HDAC9: variants seen among roughly 807,000 people sequenced by gnomAD.
The protein encoded by HDAC9 is MEF-2 interacting transcription repressor (MITR) protein.
Under a neutral mutation model 139.4 loss-of-function variants are expected in HDAC9, and 41 were observed. That is an observed-to-expected ratio of 0.29 (90% confidence interval 0.23 to 0.38). HDAC9 has a LOEUF of 0.38. HDAC9 is among the 10% of genes least tolerant of loss of function. The pLI is 1.00. For synonymous variants in HDAC9, 517 were observed against 476.2 expected (o/e 1.09, Z -1.12); for missense variants, 1,147 against 1,297.0 (o/e 0.88, Z 1.78).
At chr7:18,220,421 T>C (rs1257885323) in intron 2 of HDAC9, among the ~76,000 whole-genome samples, 1 of 152,174 alleles carries the variant, frequency 6.6e-6, no homozygotes, top group African/African-American at 2.4e-5. Context: ...TGATGAATTC[T>C]GTGGAACCAG....
At chr7:18,232,011 C>A (rs1045337439) in intron 2 of HDAC9, among the ~76,000 whole-genome samples, 1 of 152,040 alleles carries the variant, frequency 6.6e-6, no homozygotes, top group Non-Finnish European at 1.5e-5. Context: ...TAATTTCCAT[C>A]GAAGGTAAAA....
At chr7:18,812,912 G>T (rs1276519006) in intron 17 of HDAC9, among the ~76,000 whole-genome samples, 1 of 151,656 alleles carries the variant, frequency 6.6e-6, no homozygotes, top group Non-Finnish European at 1.5e-5. Context: ...GACCTCTGTT[G>T]TGTTCAACCT....
intron 13 of HDAC9, among the ~76,000 whole-genome samples, chr7:18,747,028 C>G (rs1306830373): frequency 6.6e-6 from 1 of 151,780 alleles, no homozygotes; most frequent in Non-Finnish European, 1.5e-5. Context: ...TTATGGAGGT[C>G]AAGAAGGAAG....
intron 22 of HDAC9, among the ~76,000 whole-genome samples, chr7:18,878,118 G>A (rs1480828078): frequency 3.3e-5 from 5 of 152,090 alleles, no homozygotes; most frequent in Admixed American, 2.6e-4. Flanking sequence ...TGACAACTAA[G>A]TGCTGTATTC....
At chr7:18,123,944 C>T (rs1784507382) in intron 1 of HDAC9, among the ~76,000 whole-genome samples, 1 of 152,096 alleles carries the variant, frequency 6.6e-6, no homozygotes, top group Non-Finnish European at 1.5e-5. Flanking sequence ...ACATAACAAC[C>T]TCCTAAAGGA....
intron 6 of HDAC9, among the ~76,000 whole-genome samples, chr7:18,606,913 C>T (rs73063123): frequency 0.07 from 10,669 of 152,068 alleles, 775 homozygotes; most frequent in East Asian, 0.33. Context: ...ATACAAGGTA[C>T]TTGTAAATGT....
rs191242608 is a variant in HDAC9 at position 18,591,842 on chromosome 7, G to A, written c.542+200G>A. Among the ~76,000 whole-genome samples the A allele has an allele frequency of 4.1e-4, 62 of 152,086 alleles. No homozygotes were observed. The East Asian group carries it at 0.011, about 27-fold the overall frequency. ...GCATGCCCTCTAGGGTTGCTGGCAC[G>A]GTCCTATAAAATAACATGGTAAGGT... On this transcript the variant is annotated intron_variant, in intron 5 of 25. Coordinates refer to ENST00000686413, the MANE Select transcript of HDAC9 (RefSeq NM_178425.4).
At chr7:18,726,699 A>G (rs1046330678) in intron 12 of HDAC9, among the ~76,000 whole-genome samples, 1 of 150,608 alleles carries the variant, frequency 6.6e-6, no homozygotes. Flanking sequence ...TTATTAATAA[A>G]TAAATAAATT....
chr7:18,705,706 A>G (rs1413936344), intron 12 of HDAC9, among the ~76,000 whole-genome samples: 1 of 151,768 alleles, frequency 6.6e-6, no homozygotes, highest in African/African-American at 2.4e-5. Flanking sequence ...TACAAAAATT[A>G]GCTGGGTGCA....
intron 1 of HDAC9, among the ~76,000 whole-genome samples, chr7:18,130,439 G>A (rs570576385): frequency 2.6e-5 from 4 of 152,176 alleles, no homozygotes; most frequent in South Asian, 2.1e-4. Flanking sequence ...AAATTACTCC[G>A]TTGTAGTTGC....
At chr7:18,775,959 T>C (rs891112327) in intron 16 of HDAC9, among the ~76,000 whole-genome samples, 2 of 152,006 alleles carry the variant, frequency 1.3e-5, no homozygotes, top group Non-Finnish European at 2.9e-5. Flanking sequence ...TGAGACAGGG[T>C]CTTGCTCTGT....
upstream of HDAC9, chr7:18,290,350 A>T (rs1797726569): frequency 2.5e-6 from 1 of 403,280 alleles, no homozygotes; most frequent in Non-Finnish European, 4.9e-6. Flanking sequence ...AGCATCAGGT[A>T]CTATTTAACC....
intron 17 of HDAC9, among the ~76,000 whole-genome samples, chr7:18,822,514 C>G (rs1035413996): frequency 1.3e-5 from 2 of 152,208 alleles, no homozygotes; most frequent in African/African-American, 4.8e-5. Context: ...GCCAGCACAC[C>G]TGGCTCATTT....
intron 22 of HDAC9, among the ~76,000 whole-genome samples, chr7:18,896,234 A>G (rs1801187925): frequency 6.6e-6 from 1 of 152,162 alleles, no homozygotes; most frequent in South Asian, 2.1e-4. Flanking sequence ...ATAAAAATAT[A>G]GAAATATTTC....
intron 13 of HDAC9, among the ~76,000 whole-genome samples, chr7:18,747,523 C>T (rs926642712): frequency 3.9e-5 from 6 of 152,062 alleles, no homozygotes; most frequent in East Asian, 1.9e-4. Context: ...TGGGTAATAT[C>T]GTGTGTGGTT....
intron 12 of HDAC9, among the ~76,000 whole-genome samples, chr7:18,671,607 T>G (rs990470273): frequency 3.9e-5 from 6 of 152,028 alleles, no homozygotes; most frequent in African/African-American, 1.4e-4. Flanking sequence ...CTGGAATTAC[T>G]CCAATACGTT....
chr7:18,106,267 C>T (rs1034537326), intron 1 of HDAC9, among the ~76,000 whole-genome samples: 2 of 152,040 alleles, frequency 1.3e-5, no homozygotes, highest in East Asian at 1.9e-4. Context: ...AAACAAAAAC[C>T]GAAAGCTCCT....
rs551251116 is a variant in HDAC9 at position 18,582,531 on chromosome 7, G to T, written c.23-2750G>T. ...TTATATATATATATATTTTTTAAAT[G>T]GTTATCATAGTGTAAATATCACTTT... On this transcript the variant is annotated intron_variant, in intron 2 of 25. Transcript: ENST00000686413. Among the ~76,000 whole-genome samples, 18 of 151,546 alleles carry T rather than the reference G, an allele frequency of 1.2e-4. No individual in the cohort carries two copies. In the South Asian group the frequency reaches 3.6e-3, roughly 30 times the overall value.
At position 18,402,820 on chromosome 7, in the gene HDAC9, C is replaced by G. The variant is rs1434532909; in HGVS notation, c.-41-93442C>G. On this transcript the variant is annotated intron_variant, in intron 1 of 3. Coordinates refer to the HDAC9 transcript ENST00000413509. ...GCTAGGCACCTCTTTTAAGAACAGA[C>G]TCAATAAAAAGCCATATACATTATA... 2.0e-5 allele frequency among the ~76,000 whole-genome samples: 3 copies of G among 152,192 alleles called. No individual in the cohort carries two copies. The South Asian group carries it at 6.2e-4, about 32-fold the overall frequency.
Sources: gnomAD v4.1 joint callset for allele counts (sites outside exome capture counted in the v4.1 genomes callset) on GRCh38, gnomAD v4.1.1 for gene constraint, MANE v1.5 for transcripts, NCBI Gene and HGNC (gene_info 2026-07-23, HGNC 2026-07-21) for gene names.